The following PDE10A variants were observed in gnomAD, a reference collection of about 807,000 sequenced individuals.
PDE10A encodes phosphodiesterase 10A, also known as cAMP and cAMP-inhibited cGMP 3',5'-cyclic phosphodiesterase 10A.
PDE10A carries 39 observed loss-of-function variants against 97.7 expected under a neutral mutation model. The ratio of observed to expected loss-of-function variants is 0.40; its 90% CI spans 0.31 to 0.52. The LOEUF (loss-of-function observed/expected upper bound fraction) is 0.52, where lower values mean the gene tolerates loss of function less well. Ranked by LOEUF, PDE10A falls within the 20% of genes least tolerant of loss-of-function variation. The pLI, the probability that PDE10A is intolerant of heterozygous loss-of-function variation, is 0.56. For synonymous variants in PDE10A, 371 were observed against 376.8 expected, an observed-to-expected ratio of 0.98 and a Z score of 0.18; for missense variants, 731 against 1,047.8, an observed-to-expected ratio of 0.70 and a Z score of 4.17.
chr6:165,376,910 T>C (rs1314605336), intron 18 of PDE10A, among the ~76,000 whole-genome samples: 1 of 152,066 alleles, frequency 6.6e-6, no homozygotes, highest in Non-Finnish European at 1.5e-5. Flanking sequence ...CAAGACCCCA[T>C]CTTTAAAAAA....
chr6:165,473,279 C>T (rs1185758034), intron 3 of PDE10A, among the ~76,000 whole-genome samples: 1 of 152,142 alleles, frequency 6.6e-6, no homozygotes, highest in Non-Finnish European at 1.5e-5. Flanking sequence ...ACATTCCCAA[C>T]TGATATAACT....
chr6:165,763,009 T>C (rs978902632), intron 1 of PDE10A, among the ~76,000 whole-genome samples: 3 of 152,236 alleles, frequency 2.0e-5, no homozygotes, highest in Non-Finnish European at 4.4e-5. Flanking sequence ...AAATTATTTA[T>C]GCTGGAAATT....
At chr6:165,363,778 A>G (rs892025146) in intron 18 of PDE10A, among the ~76,000 whole-genome samples, 8 of 152,230 alleles carry the variant, frequency 5.3e-5, no homozygotes, top group Non-Finnish European at 7.3e-5. Context: ...CACTTACAAT[A>G]TTATCAAAAC....
intron 1 of PDE10A, among the ~76,000 whole-genome samples, chr6:165,943,186 AG>A (rs1487504046): frequency 1.4e-3 from 72 of 50,530 alleles, no homozygotes; most frequent in African/African-American, 2.5e-3. Context: ...AAAGAAAGAA[AG>A]AAAGAAAGAA....
At chr6:165,412,645 C>T (rs564515155) in intron 13 of PDE10A, among the ~76,000 whole-genome samples, 6 of 152,118 alleles carry the variant, frequency 3.9e-5, no homozygotes, top group South Asian at 2.1e-4. Context: ...CGGTTACCCT[C>T]GGTCACCAGA....
intron 17 of PDE10A, among the ~76,000 whole-genome samples, chr6:165,384,318 C>A (rs574295): frequency 6.6e-6 from 1 of 151,378 alleles, no homozygotes; most frequent in Non-Finnish European, 1.5e-5. Context: ...ACTCAAGGGA[C>A]TTTCCTGTCT....
chr6:165,685,827 A>G (rs762162295), intron 1 of PDE10A, among the ~76,000 whole-genome samples: 1 of 152,222 alleles, frequency 6.6e-6, no homozygotes, highest in South Asian at 2.1e-4. Flanking sequence ...CGAAGGTCAC[A>G]ATGTTCTCTG....
intron 18 of PDE10A, among the ~76,000 whole-genome samples, chr6:165,354,763 G>A (rs2128188664): frequency 6.6e-6 from 1 of 152,236 alleles, no homozygotes; most frequent in East Asian, 1.9e-4. Context: ...GTGTTATAAG[G>A]AACTCTAGAA....
intron 2 of PDE10A, among the ~76,000 whole-genome samples, chr6:165,535,230 A>AATATATATATAT (rs113648418): frequency 6.1e-4 from 90 of 148,104 alleles, no homozygotes; most frequent in African/African-American, 2.2e-3. Flanking sequence ...TGCCTTTTAA[A>AATATATATATAT]ATATATATAT....
At chr6:165,775,463 G>A (rs561878649) in intron 1 of PDE10A, 8 of 152,300 alleles carry the variant, frequency 5.3e-5, no homozygotes, top group African/African-American at 1.9e-4. Flanking sequence ...CAGGATGAAT[G>A]TTTGCTGGTC....
At chr6:165,690,364 T>C (rs147366337) in intron 1 of PDE10A, among the ~76,000 whole-genome samples, 1 of 152,360 alleles carries the variant, frequency 6.6e-6, no homozygotes, top group East Asian at 1.9e-4. Flanking sequence ...TTTCTTCTGG[T>C]ACATTTCTCT....
At chr6:165,484,298 C>T (rs1779772454) in intron 2 of PDE10A, among the ~76,000 whole-genome samples, 1 of 152,180 alleles carries the variant, frequency 6.6e-6, no homozygotes, top group Non-Finnish European at 1.5e-5. Flanking sequence ...ATATGATAGA[C>T]AGTGGCTTAG....
At position 165,515,817 on chromosome 6, in the gene PDE10A, C is replaced by T. The variant is rs531628777; in HGVS notation, c.994+27623G>A. Reference sequence around the variant, plus strand: ...GATTACAGGAGTGAGCCAACGCGCCCGGCCTATTTTCTTATATTTAAGACT... The same window carrying T: ...GATTACAGGAGTGAGCCAACGCGCCTGGCCTATTTTCTTATATTTAAGACT... On this transcript the variant is annotated intron_variant, in intron 2 of 21. Transcript: ENST00000539869. 5.3e-5 allele frequency among the ~76,000 whole-genome samples: 8 copies of T among 152,128 alleles called. No individual in the cohort carries two copies. In the South Asian group the frequency reaches 6.2e-4, roughly 12 times the overall value.
At chr6:165,618,124 A>G (rs1252535472) in intron 1 of PDE10A, among the ~76,000 whole-genome samples, 3 of 152,232 alleles carry the variant, frequency 2.0e-5, no homozygotes, top group Non-Finnish European at 4.4e-5. Context: ...AACGAAATCT[A>G]TATGTATTCA....
intron 1 of PDE10A, among the ~76,000 whole-genome samples, chr6:165,920,747 CTAT>C (rs1386424993): frequency 6.6e-6 from 1 of 152,024 alleles, no homozygotes; most frequent in Non-Finnish European, 1.5e-5. Context: ...TTCTGAAATG[CTAT>C]TATTTGTTTG....
intron 1 of PDE10A, among the ~76,000 whole-genome samples, chr6:165,717,913 C>T (rs1295369524): frequency 6.6e-6 from 1 of 152,182 alleles, no homozygotes; most frequent in Non-Finnish European, 1.5e-5. Context: ...TACTCAAGTC[C>T]TTTGCCCATT....
chr6:165,847,304 G>T (rs1780447265), intron 1 of PDE10A, among the ~76,000 whole-genome samples: 2 of 152,224 alleles, frequency 1.3e-5, no homozygotes, highest in Non-Finnish European at 1.5e-5. Flanking sequence ...GAGACATTCT[G>T]CAAGCTGACG....
intron 1 of PDE10A, among the ~76,000 whole-genome samples, chr6:165,923,908 GA>G (rs1276664062): frequency 2.0e-5 from 3 of 152,082 alleles, no homozygotes; most frequent in Admixed American, 2.0e-4. Flanking sequence ...GAAAGAATAA[GA>G]CCAGCTTTTG....
At chr6:165,401,180 G>C (rs1187878149) in intron 13 of PDE10A, among the ~76,000 whole-genome samples, 1 of 152,106 alleles carries the variant, frequency 6.6e-6, no homozygotes, top group Non-Finnish European at 1.5e-5. Flanking sequence ...AAACCTCAGT[G>C]AAACTATTTT....
Sources: allele counts gnomAD v4.1 joint callset (sites outside exome capture counted in the v4.1 genomes callset), GRCh38; gene constraint gnomAD v4.1.1; transcripts MANE v1.5; gene names NCBI Gene and HGNC (gene_info 2026-07-23, HGNC 2026-07-21).